Variants in RRAS2 observed in about 807,000 individuals in gnomAD.
RRAS2 encodes RAS related 2, also known as ras-related protein R-Ras2.
A neutral mutation model predicts 27.6 loss-of-function variants in RRAS2; 7 were observed. That is an observed-to-expected ratio of 0.25 (90% CI 0.14 to 0.48). The LOEUF (loss-of-function observed/expected upper bound fraction) is 0.48, where lower values mean the gene tolerates loss of function less well. Among genes scored for constraint, RRAS2 ranks in the 20% least tolerant of loss-of-function variants. RRAS2 has a pLI of 0.99. For synonymous variants in RRAS2, 86 were observed against 90.9 expected, an observed-to-expected ratio of 0.95 and a Z score of 0.31; for missense variants, 178 against 256.2, an observed-to-expected ratio of 0.69 and a Z score of 2.08.
At chr11:14,301,604 A>G (rs1462796843) in intron 1 of RRAS2, among the ~76,000 whole-genome samples, 2 of 152,172 alleles carry the variant, frequency 1.3e-5, no homozygotes, top group Non-Finnish European at 2.9e-5. Context: ...ACATCAAATA[A>G]CTTTGCTAAT....
rs184234879 is a variant in RRAS2 at position 14,323,439 on chromosome 11, C to G, written c.109-27584G>C. On this transcript the variant is annotated intron_variant, in intron 1 of 5. Coordinates refer to ENST00000256196, the MANE Select transcript of RRAS2 (RefSeq NM_012250.6). ...CACCACTGCACTCCGACCTGGGTGA[C>G]AGAGCGAGACCCTGTCTCAAAAAAA... 9.6e-4 allele frequency among the ~76,000 whole-genome samples: 144 copies of G among 150,698 alleles called. 1 individual carries two copies. The highest frequency in any genetic ancestry group is 3.5e-3 in the African/African-American group (141 of 40,838).
intron 1 of RRAS2, among the ~76,000 whole-genome samples, chr11:14,308,942 A>G (rs1424508591): frequency 6.6e-6 from 1 of 152,312 alleles, no homozygotes; most frequent in East Asian, 1.9e-4. Context: ...AGATGATCAT[A>G]ATGATTCTTA....
chr11:14,293,358 C>T (rs1847465653), intron 4 of RRAS2, among the ~76,000 whole-genome samples: 2 of 151,534 alleles, frequency 1.3e-5, no homozygotes, highest in African/African-American at 2.4e-5. Flanking sequence ...AACAAGAATA[C>T]TTAAATACCA....
intron 1 of RRAS2, among the ~76,000 whole-genome samples, chr11:14,316,099 G>A (rs989283042): frequency 1.4e-4 from 22 of 152,100 alleles, no homozygotes; most frequent in Admixed American, 4.6e-4. Flanking sequence ...CAGGAAGTTT[G>A]GTCCTTCTTC....
At chr11:14,314,687 T>C (rs1233368830) in intron 1 of RRAS2, among the ~76,000 whole-genome samples, 2 of 152,166 alleles carry the variant, frequency 1.3e-5, no homozygotes, top group African/African-American at 4.8e-5. Context: ...CACATGGTTT[T>C]TTTGTAGTTT....
chr11:14,323,284 A>AAAAAC (rs1323841609), intron 1 of RRAS2, among the ~76,000 whole-genome samples: 1 of 152,082 alleles, frequency 6.6e-6, no homozygotes, highest in Non-Finnish European at 1.5e-5. Context: ...TCATCTCTAC[A>AAAAAC]AAAACAAAAC....
intron 1 of RRAS2, among the ~76,000 whole-genome samples, chr11:14,319,915 TAC>T (rs1372472621): frequency 2.0e-5 from 3 of 152,160 alleles, no homozygotes; most frequent in Admixed American, 6.5e-5. Flanking sequence ...GAAAAACATA[TAC>T]GTTATAAAAC....
Position 14,294,453 on chromosome 11 carries a change from AG to A in RRAS2, c.408+17del. ...GATTATAAACAATTGGTTTCCCAAC[AG>A]TGAAATTCCTTCTCACCTGTCTTTG... On this transcript the variant is annotated intron_variant, in intron 4 of 5. Transcript: ENST00000256196. 1 of 1,471,158 alleles carries A rather than the reference AG, an allele frequency of 6.8e-7. No individual in the cohort carries two copies. Among genetic ancestry groups the A allele is most frequent in the Admixed American group, 2.1e-5 (1 of 48,502 alleles). 91.1% of individuals were successfully genotyped at this position (1,471,158 alleles called of 1,614,324 possible).
chr11:14,296,000 C>G (rs1036729650), intron 1 of RRAS2, 145 bp from the exon 2 acceptor site: 5 of 549,420 alleles, frequency 9.1e-6, no homozygotes, highest in East Asian at 3.2e-5. Context: ...CAGCAAGACT[C>G]TTATCTCTTA....
At chr11:14,293,024 C>T (rs184822377) in intron 4 of RRAS2, among the ~76,000 whole-genome samples, 152 of 150,658 alleles carry the variant, frequency 1.0e-3, no homozygotes, top group African/African-American at 3.3e-3. Context: ...AGGAGAATGG[C>T]GTGAACCCGG....
chr11:14,356,164 C>T (rs1849068410), intron 1 of RRAS2, among the ~76,000 whole-genome samples: 1 of 152,142 alleles, frequency 6.6e-6, no homozygotes, highest in Admixed American at 6.5e-5. Flanking sequence ...AGTGGTAGAG[C>T]TGAGACTGCA....
chr11:14,347,437 AG>A, intron 1 of RRAS2, among the ~76,000 whole-genome samples: 1 of 152,324 alleles, frequency 6.6e-6, no homozygotes, highest in East Asian at 1.9e-4. Flanking sequence ...GGGTAGAAAC[AG>A]GGTTAACAAA....
At position 14,359,094 on chromosome 11, in the gene RRAS2, G is replaced by C. The variant is rs568594255; in HGVS notation, c.-224C>G. 34 of 1,075,638 alleles carry C rather than the reference G, an allele frequency of 3.2e-5. No homozygotes were observed. Among genetic ancestry groups the C allele is most frequent in the Non-Finnish European group, 3.7e-5 (33 of 889,010 alleles). The allele number at this position is 1,075,638 out of a possible 1,614,324, so 66.6% of individuals were successfully genotyped here. ...AGAAGCGGGGTGACGGCACGGGCCAGGGGCGGCAGCGGCCGGGGGGCGCGC... is the reference window on the plus strand; with the variant it reads ...AGAAGCGGGGTGACGGCACGGGCCACGGGCGGCAGCGGCCGGGGGGCGCGC... On this transcript the variant is annotated 5_prime_UTR_variant, in exon 1 of 6. Coordinates refer to ENST00000256196, the MANE Select transcript of RRAS2 (RefSeq NM_012250.6).
At chr11:14,305,879 T>C (rs1672050713) in intron 1 of RRAS2, among the ~76,000 whole-genome samples, 1 of 152,030 alleles carries the variant, frequency 6.6e-6, no homozygotes, top group South Asian at 2.1e-4. Context: ...CCCCCATCTC[T>C]ACAAAATATT....
At chr11:14,351,566 A>C (rs1554954780) in intron 1 of RRAS2, among the ~76,000 whole-genome samples, 1 of 152,120 alleles carries the variant, frequency 6.6e-6, no homozygotes, top group Non-Finnish European at 1.5e-5. Flanking sequence ...GTCTCTACTA[A>C]AAATACAAAA....
chr11:14,340,100 A>G (rs1430217887), intron 1 of RRAS2, among the ~76,000 whole-genome samples: 1 of 135,400 alleles, frequency 7.4e-6, no homozygotes, highest in African/African-American at 2.6e-5. Flanking sequence ...ACTACACTCC[A>G]GCCTGGGAGA....
intron 1 of RRAS2, among the ~76,000 whole-genome samples, chr11:14,301,864 A>G (rs1017615602): frequency 5.3e-5 from 8 of 152,126 alleles, no homozygotes; most frequent in Non-Finnish European, 1.0e-4. Flanking sequence ...CTGTAGTCCC[A>G]GCTATTCAGG....
intron 1 of RRAS2, among the ~76,000 whole-genome samples, chr11:14,300,350 T>C (rs989026669): frequency 2.0e-5 from 3 of 152,122 alleles, no homozygotes; most frequent in Non-Finnish European, 4.4e-5. Context: ...AGGGAAGCTA[T>C]CACATTCAGA....
chr11:14,343,513 A>G (rs1288324587), intron 1 of RRAS2, among the ~76,000 whole-genome samples: 1 of 152,218 alleles, frequency 6.6e-6, no homozygotes, highest in Non-Finnish European at 1.5e-5. Context: ...ACATTAAGTC[A>G]CTTGATAATT....
Sources: gnomAD v4.1 joint callset for allele counts (sites outside exome capture counted in the v4.1 genomes callset) on GRCh38, gnomAD v4.1.1 for gene constraint, MANE v1.5 for transcripts, NCBI Gene and HGNC (gene_info 2026-07-23, HGNC 2026-07-21) for gene names.